The following NELL2 variants were observed in gnomAD, a reference collection of about 807,000 sequenced individuals.
NELL2 encodes neural EGFL like 2.
Under a neutral mutation model 109.6 loss-of-function variants are expected in NELL2, and 41 were observed. The ratio of observed to expected loss-of-function variants is 0.37; its 90% CI spans 0.29 to 0.49. The LOEUF (loss-of-function observed/expected upper bound fraction) is 0.49, where lower values mean the gene tolerates loss of function less well. Ranked by LOEUF, NELL2 falls within the 20% of genes least tolerant of loss-of-function variation. The probability of loss-of-function intolerance (pLI) is 0.98; values close to 1 mark genes in which losing one functional copy is unlikely to be tolerated. For missense variants in NELL2, 900 were observed against 1,008.3 expected, an observed-to-expected ratio of 0.89 and a Z score of 1.45; for synonymous variants, 355 against 344.7, an observed-to-expected ratio of 1.03 and a Z score of -0.33.
At chr12:44,530,382 G>A (rs1363055578) in intron 16 of NELL2, among the ~76,000 whole-genome samples, 1 of 152,150 alleles carries the variant, frequency 6.6e-6, no homozygotes, top group Non-Finnish European at 1.5e-5. Context: ...GTTGTGAAAT[G>A]GCTGTTAATT....
At chr12:44,592,094 A>C (rs980091683) in intron 15 of NELL2, among the ~76,000 whole-genome samples, 6 of 152,168 alleles carry the variant, frequency 3.9e-5, no homozygotes, top group Non-Finnish European at 8.8e-5. Flanking sequence ...ATCTGTGGCT[A>C]AGTTTAACTA....
chr12:44,866,871 T>A (rs2136822933), intron 2 of NELL2, among the ~76,000 whole-genome samples: 1 of 152,108 alleles, frequency 6.6e-6, no homozygotes, highest in East Asian at 1.9e-4. Flanking sequence ...TTAGATAAAC[T>A]TAGAAGTTTA....
intron 12 of NELL2, among the ~76,000 whole-genome samples, chr12:44,686,424 C>T (rs1175809048): frequency 6.6e-6 from 1 of 152,254 alleles, no homozygotes; most frequent in Non-Finnish European, 1.5e-5. Flanking sequence ...TCGTCAAAGT[C>T]ATTCTCCCTC....
At chr12:44,706,889 T>C (rs1937912505) in intron 11 of NELL2, among the ~76,000 whole-genome samples, 1 of 152,210 alleles carries the variant, frequency 6.6e-6, no homozygotes, top group Non-Finnish European at 1.5e-5. Context: ...GTTCTATGTT[T>C]TTCTATCAAG....
At chr12:44,641,904 C>A (rs1197493962) in intron 13 of NELL2, among the ~76,000 whole-genome samples, 1 of 151,862 alleles carries the variant, frequency 6.6e-6, no homozygotes, top group Non-Finnish European at 1.5e-5. Flanking sequence ...ACAGTATTGC[C>A]CAGGCTGGTC....
intron 9 of NELL2, among the ~76,000 whole-genome samples, chr12:44,751,856 G>T (rs372230496): frequency 2.0e-5 from 3 of 152,058 alleles, no homozygotes; most frequent in Non-Finnish European, 2.9e-5. Context: ...ATCTAAGCCA[G>T]GGGTGTCCAA....
chr12:44,697,106 T>A (rs990026837), intron 12 of NELL2, among the ~76,000 whole-genome samples: 4 of 152,212 alleles, frequency 2.6e-5, no homozygotes, highest in Non-Finnish European at 5.9e-5. Context: ...TCTTTCAGCA[T>A]ATTTCTGGTC....
intron 2 of NELL2, among the ~76,000 whole-genome samples, chr12:44,856,515 T>C (rs1566541586): frequency 1.3e-5 from 2 of 152,196 alleles, no homozygotes; most frequent in Admixed American, 6.5e-5. Flanking sequence ...CATTAAAAAC[T>C]TGTTATCTGA....
chr12:44,526,213 T>C (rs1941765769), intron 16 of NELL2, among the ~76,000 whole-genome samples: 1 of 152,096 alleles, frequency 6.6e-6, no homozygotes, highest in South Asian at 2.1e-4. Context: ...GAAAAGAGAT[T>C]TGAATGGATT....
At chr12:44,754,128 G>A (rs1257941194) in intron 9 of NELL2, among the ~76,000 whole-genome samples, 3 of 151,470 alleles carry the variant, frequency 2.0e-5, no homozygotes, top group African/African-American at 2.4e-5. Flanking sequence ...CTATTTTAAA[G>A]CTATTTGAAG....
intron 13 of NELL2, among the ~76,000 whole-genome samples, chr12:44,627,384 G>A (rs1191723830): frequency 6.6e-6 from 1 of 151,214 alleles, no homozygotes; most frequent in Non-Finnish European, 1.5e-5. Context: ...TATTCTCATT[G>A]GTTATAAAGA....
At chr12:44,795,449 T>C (rs1942584855) in intron 3 of NELL2, among the ~76,000 whole-genome samples, 1 of 152,138 alleles carries the variant, frequency 6.6e-6, no homozygotes, top group African/African-American at 2.4e-5. Context: ...CAAGAAGGAT[T>C]CAATGTGATA....
At position 44,520,208 on chromosome 12, in the gene NELL2, G is replaced by A; in HGVS notation, c.2197C>T (p.Pro733Ser). ...CACTCCACATCTGGGCAAGGCAGGG[G>A]CCAACAATCAACTTCCCCTTGCTAC... Reference protein sequence around the residue: ...RCLQGEVDCWPLPCPDVECEF... With the variant: ...RCLQGEVDCWSLPCPDVECEF... The change falls in exon 19 of 20, where the codon CCC becomes TCC. Residue 733 changes from proline (P) to serine (S), a missense_variant. Physicochemically the swap from Pro to Ser is moderately conservative, Grantham distance 74. This residue lies in a region of NELL2 where 333 missense variants were observed against 432.3 expected (regional missense o/e 0.77). Coordinates refer to ENST00000429094, the MANE Select transcript of NELL2 (RefSeq NM_001145108.2). 6.2e-7 allele frequency: 1 copy of A among 1,612,098 alleles called. No homozygotes were observed. The highest frequency in any genetic ancestry group is 8.5e-7 in the Non-Finnish European group (1 of 1,179,274).
chr12:44,564,317 T>C (rs1943577431), intron 15 of NELL2, among the ~76,000 whole-genome samples: 1 of 152,204 alleles, frequency 6.6e-6, no homozygotes, highest in South Asian at 2.1e-4. Context: ...AGATTCTTTA[T>C]TGAGGATAAA....
At chr12:44,920,205 G>A (rs746553583) in intron 1 of NELL2, among the ~76,000 whole-genome samples, 2 of 152,124 alleles carry the variant, frequency 1.3e-5, no homozygotes, top group African/African-American at 2.4e-5. Context: ...GTCAAGAAAT[G>A]AGAGCACTTT....
At chr12:44,781,321 A>AG (rs1941950190) in intron 3 of NELL2, among the ~76,000 whole-genome samples, 1 of 151,964 alleles carries the variant, frequency 6.6e-6, no homozygotes, top group Non-Finnish European at 1.5e-5. Context: ...TCTGGAAGAC[A>AG]GAAAAAAAAG....
intron 13 of NELL2, among the ~76,000 whole-genome samples, chr12:44,645,345 C>T (rs1426970820): frequency 6.6e-6 from 1 of 152,058 alleles, no homozygotes; most frequent in East Asian, 1.9e-4. Flanking sequence ...ATGTAACAAA[C>T]CAATATAGTA....
At chr12:44,848,584 T>C (rs1944442915) in intron 2 of NELL2, among the ~76,000 whole-genome samples, 1 of 151,948 alleles carries the variant, frequency 6.6e-6, no homozygotes, top group African/African-American at 2.4e-5. Context: ...AGAATACTCC[T>C]CCCAAAGATC....
chr12:44,517,192 G>A (rs1346089932), intron 19 of NELL2, among the ~76,000 whole-genome samples: 1 of 151,852 alleles, frequency 6.6e-6, no homozygotes, highest in Non-Finnish European at 1.5e-5. Flanking sequence ...GATCTGCAAA[G>A]TCCTGATCAT....
Sources: allele counts gnomAD v4.1 joint callset (sites outside exome capture counted in the v4.1 genomes callset), GRCh38; gene constraint gnomAD v4.1.1; regional missense constraint gnomAD v4.1.1; transcripts MANE v1.5; gene names NCBI Gene and HGNC (gene_info 2026-07-23, HGNC 2026-07-21).